PLOD1: variants seen among roughly 807,000 people sequenced by gnomAD.
PLOD1 encodes procollagen-lysine,2-oxoglutarate 5-dioxygenase 1, also known as lysine hydroxylase.
PLOD1 carries 70 observed loss-of-function variants against 94.7 expected under a neutral mutation model. That is an observed-to-expected ratio of 0.74 (90% confidence interval 0.61 to 0.90). The LOEUF is 0.90. Among genes scored for constraint, PLOD1 ranks in the 40% least tolerant of loss-of-function variants. PLOD1 has a pLI of 0.00. For synonymous variants in PLOD1, 417 were observed against 400.2 expected (o/e 1.04, Z -0.50); for missense variants, 905 against 972.7 (o/e 0.93, Z 0.93).
chr1:11,952,734 G>A lies in PLOD1; in HGVS notation c.578G>A (p.Arg193Lys). Residue 193 changes from arginine (R) to lysine (K), a missense_variant and splice_region_variant, in exon 5 of 19, where the codon AGG becomes AAG. Physicochemically the swap from Arg to Lys is conservative, Grantham distance 26. Coordinates refer to ENST00000196061, the MANE Select transcript of PLOD1 (RefSeq NM_000302.4). ...YTKIFLDPEK[R>K]EQINITLDHR... ...AAGATCTTCTTGGACCCGGAGAAGA[G>A]GGTAAGAGGCAGTGGGCGGGCCAAG... The A allele has an allele frequency of 6.2e-7, 1 of 1,608,444 alleles. No homozygotes were observed. Among genetic ancestry groups the A allele is most frequent in the Non-Finnish European group, 8.5e-7 (1 of 1,174,908 alleles).
At chr1:11,966,131 G>A (rs1645815619) in intron 14 of PLOD1, 120 bp from the exon 15 acceptor site, 1 of 765,542 alleles carries the variant, frequency 1.3e-6, no homozygotes, top group Non-Finnish European at 2.3e-6. Context: ...GTGGGTGCAG[G>A]TGAACACCTG....
intron 4 of PLOD1, among the ~76,000 whole-genome samples, chr1:11,951,192 C>T (rs1645698344): frequency 6.6e-6 from 1 of 152,216 alleles, no homozygotes; most frequent in Admixed American, 6.5e-5. Flanking sequence ...TGGTAGGAGC[C>T]TCCTTACTGC....
At chr1:11,953,475 T>C (rs2100747450) in intron 5 of PLOD1, among the ~76,000 whole-genome samples, 1 of 152,240 alleles carries the variant, frequency 6.6e-6, no homozygotes, top group Non-Finnish European at 1.5e-5. Context: ...GCAACTTCTC[T>C]GTCCCTTGTT....
At chr1:11,955,234 G>T (rs892780668) in intron 6 of PLOD1, among the ~76,000 whole-genome samples, 1 of 152,230 alleles carries the variant, frequency 6.6e-6, no homozygotes, top group Non-Finnish European at 1.5e-5. Flanking sequence ...GGAGTCCTGG[G>T]CTAGGGGCAG....
chr1:11,966,715 G>A (rs1432962847), intron 15 of PLOD1, among the ~76,000 whole-genome samples: 2 of 152,236 alleles, frequency 1.3e-5, no homozygotes, highest in African/African-American at 4.8e-5. Context: ...ACTAATGTCT[G>A]CTTCCCCCGA....
chr1:11,944,465 GCT>G, intron 1 of PLOD1: 1 of 1,046,602 alleles, frequency 9.6e-7, no homozygotes, highest in African/African-American at 1.7e-5. Flanking sequence ...TCACTCACAT[GCT>G]CTCACGCTGG....
Position 11,957,390 on chromosome 1 carries a change from T to C in PLOD1, c.741+376T>C, listed in dbSNP as rs373312849. Among the ~76,000 whole-genome samples the C allele has an allele frequency of 6.6e-6, 1 of 152,172 alleles. No individual in the cohort carries two copies. Among genetic ancestry groups the C allele is most frequent in the East Asian group, 1.9e-4 (1 of 5,194 alleles). The stretch of plus-strand genomic sequence containing the variant: ...TCATAAGCAGGACGGATGTCCTGCA[T>C]TCATGGTGACAGAAGGGACTGGGTG... On this transcript the variant is annotated intron_variant, in intron 7 of 18. Transcript: ENST00000196061. The surrounding 1 kb of genome is among the most constrained non-coding windows in gnomAD (Gnocchi z 4.1).
At chr1:11,944,057 C>T (rs1645632801) in intron 1 of PLOD1, among the ~76,000 whole-genome samples, 1 of 152,038 alleles carries the variant, frequency 6.6e-6, no homozygotes. Context: ...CATGGTGAAA[C>T]CCCATCTCTA....
At position 11,970,006 on chromosome 1, in the gene PLOD1, C is replaced by T. The variant is rs921513725; in HGVS notation, c.1756-664C>T. On this transcript the variant is annotated intron_variant, in intron 16 of 18. Transcript: ENST00000196061. Reference sequence around the variant, plus strand: ...CTGTAATCCCAGCACTTTGGGAGGCCGAGGTGGGCAGATCACCTGAGGTCA... The same window carrying T: ...CTGTAATCCCAGCACTTTGGGAGGCTGAGGTGGGCAGATCACCTGAGGTCA... 4.0e-5 allele frequency among the ~76,000 whole-genome samples: 6 copies of T among 150,568 alleles called. No individual in the cohort carries two copies. In the East Asian group the frequency reaches 5.9e-4, roughly 15 times the overall value.
At chr1:11,960,906 G>C (rs1313618728) in intron 10 of PLOD1, 139 bp downstream of exon 10, 6 of 1,319,434 alleles carry the variant, frequency 4.5e-6, no homozygotes, top group Non-Finnish European at 6.2e-6. Context: ...TCTGGGCCTT[G>C]GAGTTTCCAT....
intron 1 of PLOD1, among the ~76,000 whole-genome samples, chr1:11,939,007 C>T (rs757643722): frequency 1.3e-5 from 2 of 152,156 alleles, no homozygotes; most frequent in African/African-American, 2.4e-5. Flanking sequence ...TCCCTAGAGC[C>T]GAGGTCAGAT....
At chr1:11,971,263 T>A (rs986918911) in intron 17 of PLOD1, among the ~76,000 whole-genome samples, 1 of 24,038 alleles carries the variant, frequency 4.2e-5, no homozygotes, top group Non-Finnish European at 7.8e-5. Context: ...GGGTGGGGGC[T>A]GGAGAGTCTG....
In PLOD1 at chr1:11,954,913, A is replaced by T; in HGVS notation, c.643+20A>T. 6.3e-7 allele frequency: 1 copy of T among 1,589,714 alleles called. No individual in the cohort carries two copies. Among genetic ancestry groups the T allele is most frequent in the Non-Finnish European group, 8.6e-7 (1 of 1,158,016 alleles). On this transcript the variant is annotated intron_variant, in intron 6 of 18. Coordinates refer to ENST00000196061, the MANE Select transcript of PLOD1 (RefSeq NM_000302.4). ...CCTTGGGTGAGCAGCCCCCACGGGG[A>T]GGGGTGGATCCTCAGAGGGGTGATA...
rs748841458 is a variant in PLOD1, at chr1:11,974,674, C to T, written c.2050C>T (p.Arg684Cys). ...CCAGGGCGGGGGCTGTCGGTTCCTG[C>T]GCTACAACTGTTCCATCCGAGCCCC... ...DYEGGGCRFL[R>C]YNCSIRAPRK... is the part of the protein sequence containing the mutation. The change falls in exon 19 of 19, where the codon CGC becomes TGC. Residue 684 changes from arginine (R) to cysteine (C), a missense_variant. Transcript: ENST00000196061. 1.5e-5 allele frequency: 24 copies of T among 1,613,666 alleles called. No homozygotes were observed. In the East Asian group the frequency reaches 1.6e-4, roughly 10 times the overall value.
chr1:11,963,945 G>T lies in PLOD1; in HGVS notation c.1203-230G>T, dbSNP rs1162314733. ...TCCCCAGCCTGATACCCCAGGTTCT[G>T]ATAGAGAAGGTGTCCTGCCCTGTCT... is the stretch of plus-strand genomic sequence containing the variant. On this transcript the variant is annotated intron_variant, in intron 11 of 18. Coordinates refer to ENST00000196061, the MANE Select transcript of PLOD1 (RefSeq NM_000302.4). The surrounding 1 kb of genome is among the most constrained non-coding windows in gnomAD (Gnocchi z 4.3). 2.6e-5 allele frequency among the ~76,000 whole-genome samples: 4 copies of T among 152,032 alleles called. No individual in the cohort carries two copies. Among genetic ancestry groups the T allele is most frequent in the Admixed American group, 2.0e-4 (3 of 15,240 alleles).
Position 11,950,760 on chromosome 1 carries a change from C to T in PLOD1, c.466+240C>T, listed in dbSNP as rs564510452. ...AGTCACTCCTGACTCCTCCCTTGCC[C>T]TCCTCCACCTACGTCCAATGCCAGT... is the stretch of plus-strand genomic sequence containing the variant. On this transcript the variant is annotated intron_variant, in intron 4 of 18. Transcript: ENST00000196061. Among the ~76,000 whole-genome samples, 7 of 152,222 alleles carry T rather than the reference C, an allele frequency of 4.6e-5. No individual in the cohort carries two copies. In the South Asian group the frequency reaches 1.5e-3, roughly 32 times the overall value.
At chr1:11,964,355 T>A in intron 12 of PLOD1, 55 bp downstream of exon 12, 1 of 1,543,802 alleles carries the variant, frequency 6.5e-7, no homozygotes. Context: ...GGCTTCTGCC[T>A]GGGCTTGTGG....
rs1197893684 is a variant in PLOD1 at position 11,958,939 on chromosome 1, T to C, written c.975+292T>C. 6.6e-6 allele frequency among the ~76,000 whole-genome samples: 1 copy of C among 152,194 alleles called. No individual in the cohort carries two copies. The highest frequency in any genetic ancestry group is 1.9e-4 in the East Asian group (1 of 5,198). ...AGGCATAAAAGTCGGGCGCGGTGGC[T>C]CATGCCTGTAATCCCAGCACTTTGG... On this transcript the variant is annotated intron_variant, in intron 9 of 18. Transcript: ENST00000196061. The surrounding 1 kb of genome is among the most constrained non-coding windows in gnomAD (Gnocchi z 4.3).
intron 4 of PLOD1, among the ~76,000 whole-genome samples, chr1:11,951,755 T>TAAAAAAAAA (rs1245949492): frequency 6.7e-6 from 1 of 150,054 alleles, no homozygotes; most frequent in African/African-American, 2.5e-5. Context: ...CCGTCTCCAC[T>TAAAAAAAAA]AAAAATACAA....
Sources: allele counts gnomAD v4.1 joint callset (sites outside exome capture counted in the v4.1 genomes callset), GRCh38; gene constraint gnomAD v4.1.1; non-coding constraint Gnocchi (gnomAD v3.1); transcripts MANE v1.5; gene names NCBI Gene and HGNC (gene_info 2026-07-23, HGNC 2026-07-21).